The following PNLDC1 variants were observed in gnomAD, a reference collection of about 807,000 sequenced individuals.
PNLDC1 encodes the protein poly(A)-specific ribonuclease PNLDC1.
Under a neutral mutation model 82.0 loss-of-function variants are expected in PNLDC1, and 70 were observed. The ratio of observed to expected loss-of-function variants is 0.85; its 90% CI spans 0.70 to 1.04. PNLDC1 has a LOEUF of 1.04. Ranked by LOEUF, PNLDC1 falls within the 50% of genes least tolerant of loss-of-function variation. PNLDC1 has a pLI of 0.00. For synonymous variants in PNLDC1, 280 were observed against 249.3 expected, an observed-to-expected ratio of 1.12 and a Z score of -1.16; for missense variants, 631 against 661.1, an observed-to-expected ratio of 0.95 and a Z score of 0.50.
chr6:159,817,048 A>T, intron 14 of PNLDC1, 61 bp from the exon 15 acceptor site: 1 of 1,478,058 alleles, frequency 6.8e-7, no homozygotes, highest in Admixed American at 1.7e-5. Flanking sequence ...ATAATGAGAT[A>T]AAGCATAAGC....
intron 15 of PNLDC1, 30 bp from the exon 16 acceptor site, chr6:159,818,525 C>G: frequency 6.3e-7 from 1 of 1,596,306 alleles, no homozygotes; most frequent in Non-Finnish European, 8.6e-7. Context: ...TCTGTGCGCC[C>G]GACAGCTTTG....
Position 159,816,537 on chromosome 6 carries a change from C to T in PNLDC1, c.1061-6C>T. ...TTCTCTGTCCTCCTGGTGGAAAATG[C>T]CTCAGTTGAGACAAAGTGCCCCCAC... On this transcript the variant is annotated splice_polypyrimidine_tract_variant and splice_region_variant and intron_variant, in intron 13 of 18. Transcript: ENST00000392167. The T allele has an allele frequency of 1.9e-6, 3 of 1,613,502 alleles. No individual in the cohort carries two copies. Among genetic ancestry groups the T allele is most frequent in the Non-Finnish European group, 2.5e-6 (3 of 1,179,642 alleles).
chr6:159,800,831 T>G lies in PNLDC1; in HGVS notation c.134+2T>G, dbSNP rs761159586. ...CCTGTCTGGGCCCCAGCAGATCAGG[T>G]AAAACTAAAGCTGTGTCCCCTCTGT... is the stretch of plus-strand genomic sequence containing the variant. On this transcript the variant is annotated splice_donor_variant, in intron 2 of 18. Transcript: ENST00000392167. LOFTEE classifies it high-confidence loss of function. The G allele has an allele frequency of 6.2e-7, 1 of 1,614,138 alleles. No individual in the cohort carries two copies. The highest frequency in any genetic ancestry group is 2.2e-5 in the East Asian group (1 of 44,872).
In PNLDC1 at chr6:159,819,711, CA is replaced by C. The variant is rs1781971820; in HGVS notation, c.1532+360del. 6.6e-6 allele frequency among the ~76,000 whole-genome samples: 1 copy of C among 152,134 alleles called. No homozygotes were observed. The highest frequency in any genetic ancestry group is 2.4e-5 in the African/African-American group (1 of 41,416). ...AGGGTCAGGAGTGGGTGGCAGGCTG[CA>C]GTTCAAAGGAGCTGATGGGGGTCTT... On this transcript the variant is annotated intron_variant, in intron 18 of 18. Transcript: ENST00000392167. The surrounding 1 kb of genome is among the most constrained non-coding windows in gnomAD (Gnocchi z 4.6).
rs146052760 is a variant in PNLDC1, at chr6:159,810,082, C to T, written c.840C>T (p.Phe280=). 5.2e-5 allele frequency: 84 copies of T among 1,613,956 alleles called. No individual in the cohort carries two copies. In the Middle Eastern group the frequency reaches 2.1e-3, roughly 41 times the overall value. ...TGCTGCACCTCCATGAGAAGTTCTT[C>T]AGACCCCTCCCAGGTAGGGGCAAAC... ...MDLLHLHEKF[F]RPLPESYDQF... The change falls in exon 10 of 19, where the codon TTC becomes TTT. Residue 280 remains phenylalanine, a synonymous_variant. Transcript: ENST00000392167.
rs544198972 is a variant in PNLDC1, at chr6:159,800,327, A to T, written c.20A>T (p.Glu7Val). 1 of 1,547,964 alleles carries T rather than the reference A, an allele frequency of 6.5e-7. No homozygotes were observed. Among genetic ancestry groups the T allele is most frequent in the Non-Finnish European group, 8.7e-7 (1 of 1,146,434 alleles). Residue 7 changes from glutamate to valine, a missense_variant, in exon 1 of 19, where the codon GAG (glutamate) becomes GTG (valine). By Grantham distance (121) the Glu-to-Val change is moderately radical. Coordinates refer to ENST00000392167, the MANE Select transcript of PNLDC1 (RefSeq NM_001271862.2). MDVGAD[E>V]FEESLPLLQE... is the part of the protein sequence containing the mutation. The stretch of plus-strand genomic sequence containing the variant: ...ACGGCCATGGACGTGGGCGCCGACG[A>T]GTTCGAGGAGAGCCTCCCTCTGCTG...
At chr6:159,806,427 A>AC (rs1213870983) in intron 7 of PNLDC1, among the ~76,000 whole-genome samples, 2 of 152,322 alleles carry the variant, frequency 1.3e-5, no homozygotes, top group East Asian at 3.9e-4. Context: ...GCCACAGTGA[A>AC]CACGCCATAG....
Position 159,805,969 on chromosome 6 carries a change from G to C in PNLDC1, c.462-14G>C, listed in dbSNP as rs192281716. On this transcript the variant is annotated splice_polypyrimidine_tract_variant and intron_variant, in intron 6 of 18. Transcript: ENST00000392167. ...TTTTCTCTGACATGTTCACTTTCAT[G>C]CGCCCATTTTCAGCTCTCCGGATAA... The C allele has an allele frequency of 1.2e-6, 2 of 1,603,388 alleles. No individual in the cohort carries two copies. Among genetic ancestry groups the C allele is most frequent in the Admixed American group, 1.7e-5 (1 of 60,008 alleles).
At position 159,806,056 on chromosome 6, in the gene PNLDC1, G is replaced by C; in HGVS notation, c.535G>C (p.Asp179His). 2 of 1,614,036 alleles carry C rather than the reference G, an allele frequency of 1.2e-6. No individual in the cohort carries two copies. Among genetic ancestry groups the C allele is most frequent in the South Asian group, 2.2e-5 (2 of 91,050 alleles). The change falls in exon 7 of 19, where the codon GAC becomes CAC. Residue 179 changes from aspartate to histidine, a missense_variant. Coordinates refer to ENST00000392167, the MANE Select transcript of PNLDC1 (RefSeq NM_001271862.2). ...GTGGCTGGAGCTGGCCAAGGAAGGCGACTGGATGACTCTTCCTGGGATCAC... is the reference window on the plus strand; with the variant it reads ...GTGGCTGGAGCTGGCCAAGGAAGGCCACTGGATGACTCTTCCTGGGATCAC... Reference protein sequence around the residue: ...TRWLELAKEGDWMTLPGITGF... With the variant: ...TRWLELAKEGHWMTLPGITGF...
At chr6:159,800,208 AT>A, upstream of PNLDC1, 3 of 1,192,628 alleles carry the variant, frequency 2.5e-6, no homozygotes, top group Non-Finnish European at 3.5e-6. Flanking sequence ...CCTGGTTTCC[AT>A]GTGTGCGCCC....
At chr6:159,800,156 G>A (rs1781178506), upstream of PNLDC1, 2 of 639,640 alleles carry the variant, frequency 3.1e-6, no homozygotes, top group Admixed American at 6.1e-5. Context: ...GGCGACGCCA[G>A]CAGCACACGG....
At chr6:159,801,073 A>C in intron 2 of PNLDC1, 40 bp from the exon 3 acceptor site, 2 of 1,605,722 alleles carry the variant, frequency 1.2e-6, no homozygotes, top group Admixed American at 1.7e-5. Flanking sequence ...CCGGGATGGG[A>C]TGTCATTGCT....
At chr6:159,804,264 C>T (rs558060241) in intron 5 of PNLDC1, among the ~76,000 whole-genome samples, 176 bp downstream of exon 5, 23 of 152,270 alleles carry the variant, frequency 1.5e-4, no homozygotes, top group Non-Finnish European at 3.1e-4. Flanking sequence ...CCATGCCCAG[C>T]TAATTCTTTT....
rs73589360 is a variant in PNLDC1 at position 159,809,227 on chromosome 6, G to A, written c.783+69G>A. 1.9e-6 allele frequency: 3 copies of A among 1,544,832 alleles called. No individual in the cohort carries two copies. In the East Asian group the frequency reaches 6.7e-5, roughly 35 times the overall value. On this transcript the variant is annotated intron_variant, in intron 9 of 18. Coordinates refer to ENST00000392167, the MANE Select transcript of PNLDC1 (RefSeq NM_001271862.2). ...GTATTTCTGGTCATAGATACTAAAG[G>A]CTCCTTCAACAACAAGATAAAATTC...
At chr6:159,814,184 A>G (rs1269517134) in intron 12 of PNLDC1, among the ~76,000 whole-genome samples, 6 of 150,402 alleles carry the variant, frequency 4.0e-5, no homozygotes, top group Non-Finnish European at 8.9e-5. Flanking sequence ...TGTCTCCTTC[A>G]CTCTGCTCTC....
chr6:159,809,597 C>T (rs76691291), intron 9 of PNLDC1, among the ~76,000 whole-genome samples: 36 of 152,058 alleles, frequency 2.4e-4, no homozygotes, highest in African/African-American at 8.2e-4. Context: ...CCTGGCCTTC[C>T]TTCTCATTTA....
chr6:159,809,792 C>T (rs1430221320), intron 9 of PNLDC1, among the ~76,000 whole-genome samples: 1 of 152,152 alleles, frequency 6.6e-6, no homozygotes, highest in African/African-American at 2.4e-5. Context: ...AGGTTTCCAG[C>T]GCAGACCCTG....
At position 159,819,162 on chromosome 6, in the gene PNLDC1, T is replaced by C. The variant is rs773217957; in HGVS notation, c.1433+41T>C. ...TCCGCGTCCCCCACCCCTCGTGCGT[T>C]CATCCCTGTATCTCTCTGACTCCAC... On this transcript the variant is annotated intron_variant, in intron 17 of 18. Coordinates refer to ENST00000392167, the MANE Select transcript of PNLDC1 (RefSeq NM_001271862.2). This position sits in a 1 kb window ranked among gnomAD's most constrained non-coding sequence, Gnocchi z 4.6. 1.9e-6 allele frequency: 3 copies of C among 1,610,544 alleles called. No homozygotes were observed. The highest frequency in any genetic ancestry group is 2.2e-5 in the East Asian group (1 of 44,850).
chr6:159,814,108 A>G (rs997469193), intron 12 of PNLDC1, among the ~76,000 whole-genome samples: 1 of 151,644 alleles, frequency 6.6e-6, no homozygotes, highest in Non-Finnish European at 1.5e-5. Context: ...TGTTCTCCCA[A>G]CTTAACGACA....
Sources: gnomAD v4.1 joint callset for allele counts (sites outside exome capture counted in the v4.1 genomes callset) on GRCh38, gnomAD v4.1.1 for gene constraint, Gnocchi (gnomAD v3.1) non-coding constraint, MANE v1.5 for transcripts, NCBI Gene and HGNC (gene_info 2026-07-23, HGNC 2026-07-21) for gene names.